The following TJP1 variants were observed in gnomAD, a reference collection of about 807,000 sequenced individuals.
The protein encoded by TJP1 is tight junction protein ZO-1.
Under a neutral mutation model 194.2 loss-of-function variants are expected in TJP1, and 43 were observed. That is an observed-to-expected ratio of 0.22 (90% CI 0.17 to 0.29). TJP1 has a LOEUF of 0.29. Among genes scored for constraint, TJP1 ranks in the 10% least tolerant of loss-of-function variants. The pLI is 1.00. For synonymous variants in TJP1, 801 were observed against 779.0 expected (o/e 1.03, Z -0.47); for missense variants, 1,971 against 2,185.7 (o/e 0.90, Z 1.96).
chr15:29,814,066 T>C (rs2049725296), intron 1 of TJP1, among the ~76,000 whole-genome samples: 1 of 152,242 alleles, frequency 6.6e-6, no homozygotes, highest in Non-Finnish European at 1.5e-5. Flanking sequence ...TATTGAGATA[T>C]TGATACCAAA....
At chr15:29,921,824 AT>A (rs1047275339) in intron 2 of TJP1, among the ~76,000 whole-genome samples, 19 of 150,224 alleles carry the variant, frequency 1.3e-4, no homozygotes, top group Non-Finnish European at 2.1e-4. Flanking sequence ...TCATTATCCC[AT>A]TTTTTTTCTT....
At chr15:29,914,303 G>C (rs2054115147) in intron 2 of TJP1, among the ~76,000 whole-genome samples, 1 of 152,016 alleles carries the variant, frequency 6.6e-6, no homozygotes. Flanking sequence ...ATAAACGTTT[G>C]CCTGAAGTTG....
In TJP1 at chr15:29,718,313, C is replaced by T. The variant is rs756043401; in HGVS notation, c.3829G>A (p.Ala1277Thr). Reference sequence around the variant, plus strand: ...ACATCCTTCTTGGTCTCTAAGGATGCAGATCTTTTGTTTTCAAACATCTTA... The same window carrying T: ...ACATCCTTCTTGGTCTCTAAGGATGTAGATCTTTTGTTTTCAAACATCTTA... ...RVKMFENKRSASLETKKDVND... is the reference protein window; with the variant it reads ...RVKMFENKRSTSLETKKDVND... Residue 1277 changes from alanine (A) to threonine (T), a missense_variant, in exon 21 of 28, where the codon GCA becomes ACA. By Grantham distance (58) the Ala-to-Thr change is moderately conservative. Transcript: ENST00000614355. 9 of 1,613,880 alleles carry T rather than the reference C, an allele frequency of 5.6e-6. No homozygotes were observed. The highest frequency in any genetic ancestry group is 7.6e-6 in the Non-Finnish European group (9 of 1,180,008).
intron 1 of TJP1, chr15:29,968,581 C>T (rs2056413624): frequency 2.3e-6 from 2 of 882,684 alleles, no homozygotes; most frequent in East Asian, 1.2e-4. Context: ...CCGACCGCCC[C>T]GGCCGCCGCT....
intron 2 of TJP1, among the ~76,000 whole-genome samples, chr15:29,849,439 T>TAAA (rs1567132119): frequency 7.2e-6 from 1 of 138,840 alleles, no homozygotes; most frequent in African/African-American, 2.8e-5. Flanking sequence ...CAAATTTTAT[T>TAAA]TAAAAAAAAA....
intron 2 of TJP1, among the ~76,000 whole-genome samples, chr15:29,773,634 G>T (rs1383863386): frequency 6.6e-6 from 1 of 152,172 alleles, no homozygotes; most frequent in Non-Finnish European, 1.5e-5. Flanking sequence ...CTGAGATCCT[G>T]ACTTTATTTT....
intron 2 of TJP1, among the ~76,000 whole-genome samples, chr15:29,800,116 A>G (rs1163402558): frequency 6.6e-6 from 1 of 152,210 alleles, no homozygotes; most frequent in Non-Finnish European, 1.5e-5. Context: ...CCAGAATTCA[A>G]ATTGATAGCA....
intron 25 of TJP1, among the ~76,000 whole-genome samples, chr15:29,707,074 C>T (rs2041944185): frequency 6.6e-6 from 1 of 152,140 alleles, no homozygotes; most frequent in Non-Finnish European, 1.5e-5. Flanking sequence ...CTCAGCATTC[C>T]CTGAGGACCA....
intron 2 of TJP1, among the ~76,000 whole-genome samples, chr15:29,795,837 G>T (rs187386412): frequency 6.6e-6 from 1 of 152,222 alleles, no homozygotes; most frequent in East Asian, 1.9e-4. Context: ...TCTGAGGAAT[G>T]CAAGGCTGTT....
intron 2 of TJP1, among the ~76,000 whole-genome samples, chr15:29,945,220 G>A (rs1488585311): frequency 6.6e-6 from 1 of 152,162 alleles, no homozygotes. Flanking sequence ...CCCTAACACT[G>A]GAGCCAAATG....
chr15:29,835,435 T>C (rs992633433), intron 2 of TJP1, among the ~76,000 whole-genome samples: 8 of 152,142 alleles, frequency 5.3e-5, no homozygotes, highest in Non-Finnish European at 1.2e-4. Context: ...TGTCTCTGGA[T>C]TGTTTGGAAA....
chr15:29,768,924 AAAAATACAACAGAG>A (rs1471419591), intron 4 of TJP1, among the ~76,000 whole-genome samples: 1 of 152,216 alleles, frequency 6.6e-6, no homozygotes, highest in Non-Finnish European at 1.5e-5. Flanking sequence ...AGTACTAGAA[AAAAATACAACAGAG>A]AGGCTTTTGC....
Position 29,762,458 on chromosome 15 carries a change from T to C in TJP1, c.590-20A>G, listed in dbSNP as rs1321652682. 2 of 1,590,126 alleles carry C rather than the reference T, an allele frequency of 1.3e-6. No individual in the cohort carries two copies. Among genetic ancestry groups the C allele is most frequent in the Non-Finnish European group, 1.7e-6 (2 of 1,161,136 alleles). On this transcript the variant is annotated intron_variant, in intron 5 of 27. Coordinates refer to ENST00000614355, the MANE Select transcript of TJP1 (RefSeq NM_001330239.4). Reference sequence around the variant, plus strand: ...CATATTCTGAAATAATGTAAGTAAGTGTTTTTAGTATAACATCCTAAGACA... The same window carrying C: ...CATATTCTGAAATAATGTAAGTAAGCGTTTTTAGTATAACATCCTAAGACA...
intron 2 of TJP1, among the ~76,000 whole-genome samples, chr15:29,792,741 C>A (rs2048174515): frequency 6.6e-6 from 1 of 152,194 alleles, no homozygotes; most frequent in Non-Finnish European, 1.5e-5. Flanking sequence ...GAATCCATGA[C>A]CATGGAGTAT....
chr15:29,851,092 T>C (rs190545527), intron 2 of TJP1, among the ~76,000 whole-genome samples: 1 of 152,098 alleles, frequency 6.6e-6, no homozygotes, highest in Non-Finnish European at 1.5e-5. Context: ...GAGCCAAGAC[T>C]GTGCCACTGC....
chr15:29,956,217 G>C (rs1397155910), intron 2 of TJP1: 8 of 1,250,224 alleles, frequency 6.4e-6, no homozygotes, highest in African/African-American at 1.5e-5. Context: ...GAAAAGCATT[G>C]ATCAGTCCAC....
intron 8 of TJP1, among the ~76,000 whole-genome samples, chr15:29,757,007 C>A (rs916212587): frequency 6.6e-6 from 1 of 152,064 alleles, no homozygotes; most frequent in Non-Finnish European, 1.5e-5. Context: ...AACACATGTG[C>A]CAGGTATTGT....
rs1478539681 is a variant in TJP1, at chr15:29,700,329, G to A, written c.*1266C>T. ...GTAAAAAAATACACTTTAGGGCACA[G>A]CATTGTATCACAAATTACAGTAGGG... On this transcript the variant is annotated 3_prime_UTR_variant, in exon 28 of 28. Coordinates refer to ENST00000614355, the MANE Select transcript of TJP1 (RefSeq NM_001330239.4). 7.5e-6 allele frequency: 3 copies of A among 398,810 alleles called. No individual in the cohort carries two copies. Among genetic ancestry groups the A allele is most frequent in the African/African-American group, 2.1e-5 (1 of 48,614 alleles). 24.7% of individuals were successfully genotyped at this position (398,810 alleles called of 1,614,324 possible). A position where few individuals can be genotyped will look rare whatever the true frequency, so the allele number is the denominator to read the frequency against.
chr15:29,821,988 G>A lies in TJP1; in HGVS notation c.27+14C>T, dbSNP rs773699977. The A allele has an allele frequency of 2.7e-5, 36 of 1,314,148 alleles. No individual in the cohort carries two copies. The African/African-American group carries it at 3.0e-4, about 11-fold the overall frequency. The allele number at this position is 1,314,148 out of a possible 1,614,324, so 81.4% of individuals were successfully genotyped here. A position where few individuals can be genotyped will look rare whatever the true frequency, so the allele number is the denominator to read the frequency against. On this transcript the variant is annotated intron_variant, in intron 1 of 27. Transcript: ENST00000614355. ...TCGGCCCGGTCTGGCCCTGGCGGCC[G>A]CGGAGGCGCTCACCTTGGCGGCCGC...
Sources: gnomAD v4.1 joint callset for allele counts (sites outside exome capture counted in the v4.1 genomes callset) on GRCh38, gnomAD v4.1.1 for gene constraint, MANE v1.5 for transcripts, NCBI Gene and HGNC (gene_info 2026-07-23, HGNC 2026-07-21) for gene names.